Variants in ATP2C1 observed in about 807,000 individuals in gnomAD.
The protein encoded by ATP2C1 is ATPase secretory pathway Ca2+ transporting 1.
In ATP2C1, 31 loss-of-function variants were observed where a neutral mutation model predicts 120.5. That is an observed-to-expected ratio of 0.26 (90% CI 0.19 to 0.35). ATP2C1 has a LOEUF of 0.35. Ranked by LOEUF, ATP2C1 falls within the 10% of genes least tolerant of loss-of-function variation. The pLI is 1.00. For missense variants in ATP2C1, 731 were observed against 1,107.5 expected (o/e 0.66, Z 4.83); for synonymous variants, 351 against 358.7 (o/e 0.98, Z 0.24).
rs190337471 is a variant in ATP2C1 at position 130,954,320 on chromosome 3, C to T, written c.687+344C>T. On this transcript the variant is annotated intron_variant, in intron 9 of 27. Transcript: ENST00000510168. ...GACTATATGTTGTTCACCTGTTGAT[C>T]GATTTCAAATGCTTCCTTTCCTGAA... Among the ~76,000 whole-genome samples the T allele has an allele frequency of 7.4e-4, 112 of 152,204 alleles. 1 individual carries two copies. The highest frequency in any genetic ancestry group is 2.5e-3 in the African/African-American group (105 of 41,534).
At chr3:131,014,013 G>A (rs1354666317) in intron 26 of ATP2C1, 2 of 1,409,632 alleles carry the variant, frequency 1.4e-6, no homozygotes, top group Non-Finnish European at 1.9e-6. Context: ...AGAATTTTAA[G>A]TAAGGATTAT....
Position 130,930,455 on chromosome 3 carries a change from A to G in ATP2C1, c.46A>G (p.Thr16Ala), listed in dbSNP as rs2059404766. ...FQKIPNGENETMIPVLTSKKA... is the reference protein window; with the variant it reads ...FQKIPNGENEAMIPVLTSKKA... ...AAAAATACCTAATGGTGAAAATGAGACAATGATTCCTGTATTGACATCAAA... is the reference window on the plus strand; with the variant it reads ...AAAAATACCTAATGGTGAAAATGAGGCAATGATTCCTGTATTGACATCAAA... Residue 16 changes from threonine to alanine, a missense_variant, in exon 3 of 28, where the codon ACA becomes GCA. This residue lies in a region of ATP2C1 where 571 missense variants were observed against 845.9 expected (regional missense o/e 0.67). Coordinates refer to ENST00000510168, the MANE Select transcript of ATP2C1 (RefSeq NM_001378687.1). 1.2e-6 allele frequency: 2 copies of G among 1,613,510 alleles called. No homozygotes were observed. Among genetic ancestry groups the G allele is most frequent in the Non-Finnish European group, 8.5e-7 (1 of 1,179,476 alleles).
chr3:130,854,499 G>A (rs2067773809), intron 1 of ATP2C1, among the ~76,000 whole-genome samples: 1 of 152,196 alleles, frequency 6.6e-6, no homozygotes, highest in South Asian at 2.1e-4. Flanking sequence ...AGGAATGAGT[G>A]AGACTTGCAG....
intron 2 of ATP2C1, among the ~76,000 whole-genome samples, chr3:130,910,921 T>G (rs1176066369): frequency 0.014 from 1,484 of 104,498 alleles, 44 homozygotes; most frequent in African/African-American, 0.053. Context: ...TTTTTGGTTG[T>G]GTCTCTGCCC....
At chr3:130,853,832 T>C (rs1486914124) in intron 1 of ATP2C1, among the ~76,000 whole-genome samples, 2 of 152,204 alleles carry the variant, frequency 1.3e-5, no homozygotes, top group African/African-American at 4.8e-5. Context: ...GCCTGGCAGA[T>C]ACTGGTGTAA....
At chr3:130,938,305 T>G (rs2059755443) in intron 6 of ATP2C1, among the ~76,000 whole-genome samples, 1 of 152,240 alleles carries the variant, frequency 6.6e-6, no homozygotes, top group Non-Finnish European at 1.5e-5. Flanking sequence ...GCAGATTTCC[T>G]TTTTAGCTAG....
At chr3:130,924,183 C>T (rs935556838) in intron 2 of ATP2C1, among the ~76,000 whole-genome samples, 7 of 150,986 alleles carry the variant, frequency 4.6e-5, no homozygotes, top group African/African-American at 1.7e-4. Context: ...TATATAGGCC[C>T]TGTGAGATAT....
chr3:130,883,040 A>T (rs2068836792), intron 1 of ATP2C1, among the ~76,000 whole-genome samples: 4 of 152,248 alleles, frequency 2.6e-5, no homozygotes, highest in Middle Eastern at 3.4e-3. Flanking sequence ...GTTACTGTTC[A>T]GGCTTTGGAT....
intron 2 of ATP2C1, among the ~76,000 whole-genome samples, chr3:130,927,566 A>T (rs2108315359): frequency 6.6e-6 from 1 of 152,242 alleles, no homozygotes; most frequent in East Asian, 1.9e-4. Flanking sequence ...AATAGAGAAA[A>T]CAGTATATTC....
At chr3:130,922,804 A>C (rs1576728604) in intron 2 of ATP2C1, among the ~76,000 whole-genome samples, 1 of 152,144 alleles carries the variant, frequency 6.6e-6, no homozygotes, top group Non-Finnish European at 1.5e-5. Flanking sequence ...GTTTTATTCC[A>C]CTGTGGTCAG....
At chr3:130,982,438 G>GCCTT in intron 20 of ATP2C1, among the ~76,000 whole-genome samples, 1 of 152,146 alleles carries the variant, frequency 6.6e-6, no homozygotes. Flanking sequence ...GCCTTGTAAG[G>GCCTT]GGCCTATCAA....
intron 7 of ATP2C1, among the ~76,000 whole-genome samples, chr3:130,940,905 A>AT (rs749879416): frequency 0.037 from 3,206 of 85,940 alleles, 420 homozygotes; most frequent in African/African-American, 0.086. Context: ...TATTTAACAG[A>AT]TTTTTTTTTT....
intron 1 of ATP2C1, among the ~76,000 whole-genome samples, chr3:130,863,563 C>T (rs1019875509): frequency 6.6e-6 from 1 of 152,164 alleles, no homozygotes; most frequent in African/African-American, 2.4e-5. Flanking sequence ...CTTTTGCAAA[C>T]TCATGTGTTA....
At chr3:130,865,881 T>G (rs2068160305) in intron 1 of ATP2C1, among the ~76,000 whole-genome samples, 1 of 152,224 alleles carries the variant, frequency 6.6e-6, no homozygotes, top group Non-Finnish European at 1.5e-5. Context: ...TGTCTGATAC[T>G]CTAGATAAAG....
At position 131,001,922 on chromosome 3, in the gene ATP2C1, C is replaced by A. The variant is rs2062903963; in HGVS notation, c.*572C>A. ...GCACAGGATGTGACCACTGTCAGAT[C>A]ACTGTTCTTTTCTTTCTTTTTGTGA... On this transcript the variant is annotated 3_prime_UTR_variant, in exon 28 of 28. Coordinates refer to ENST00000510168, the MANE Select transcript of ATP2C1 (RefSeq NM_001378687.1). The A allele has an allele frequency of 5.1e-6, 5 of 984,678 alleles. No homozygotes were observed. Among genetic ancestry groups the A allele is most frequent in the Non-Finnish European group, 6.0e-6 (5 of 828,872 alleles). 61.0% of individuals were successfully genotyped at this position (984,678 alleles called of 1,614,324 possible). A position where few individuals can be genotyped will look rare whatever the true frequency, so the allele number is the denominator to read the frequency against.
Position 130,964,010 on chromosome 3 carries a change from G to A in ATP2C1, c.939G>A (p.Val313=), listed in dbSNP as rs2060942335. Residue 313 remains valine, a synonymous_variant, in exon 13 of 28, where the codon GTG becomes GTA. Transcript: ENST00000510168. ...CAATTCCTGAAGGTCTCCCCATTGT[G>A]GTCACAGTGACGCTAGCTCTTGGTG... ...VAAIPEGLPI[V]VTVTLALGVM... The A allele has an allele frequency of 6.2e-7, 1 of 1,612,634 alleles. No individual in the cohort carries two copies. The highest frequency in any genetic ancestry group is 1.3e-5 in the African/African-American group (1 of 74,818).
intron 8 of ATP2C1, among the ~76,000 whole-genome samples, chr3:130,945,271 A>G (rs1488560058): frequency 6.6e-6 from 1 of 152,146 alleles, no homozygotes; most frequent in Non-Finnish European, 1.5e-5. Flanking sequence ...GATGATAACC[A>G]ATGGATTGGT....
At chr3:130,893,332 A>T (rs1386769585), upstream of ATP2C1, among the ~76,000 whole-genome samples, 1 of 152,152 alleles carries the variant, frequency 6.6e-6, no homozygotes, top group Non-Finnish European at 1.5e-5. Flanking sequence ...AGTTCCATAT[A>T]CCACAAACGA....
At chr3:131,015,856 A>G (rs2063599006) in intron 26 of ATP2C1, 2 of 488,658 alleles carry the variant, frequency 4.1e-6, no homozygotes, top group South Asian at 1.9e-5. Flanking sequence ...TATCCTACCA[A>G]TGATTGCCTC....
Sources: gnomAD v4.1 joint callset for allele counts (sites outside exome capture counted in the v4.1 genomes callset) on GRCh38, gnomAD v4.1.1 for gene constraint, gnomAD v4.1.1 regional missense constraint, MANE v1.5 for transcripts, NCBI Gene and HGNC (gene_info 2026-07-23, HGNC 2026-07-21) for gene names.